Variants in EPHA3 observed in about 807,000 individuals in gnomAD.
The protein encoded by EPHA3 is ephrin type-A receptor 3.
In EPHA3, 42 loss-of-function variants were observed where a neutral mutation model predicts 107.1. The ratio of observed to expected loss-of-function variants is 0.39; its 90% confidence interval spans 0.31 to 0.51. The LOEUF is 0.51. EPHA3 is among the 20% of genes least tolerant of loss of function. The pLI, the probability that EPHA3 is intolerant of heterozygous loss-of-function variation, is 0.78. For synonymous variants in EPHA3, 461 were observed against 424.8 expected, an observed-to-expected ratio of 1.09 and a Z score of -1.05; for missense variants, 1,183 against 1,211.2, an observed-to-expected ratio of 0.98 and a Z score of 0.35.
intron 3 of EPHA3, among the ~76,000 whole-genome samples, chr3:89,318,584 C>G (rs529029169): frequency 6.6e-6 from 1 of 151,848 alleles, no homozygotes; most frequent in Admixed American, 6.6e-5. Flanking sequence ...AATGGTCAGA[C>G]GGCCGGCCAG....
At chr3:89,471,531 A>G (rs1710402036) in intron 15 of EPHA3, among the ~76,000 whole-genome samples, 2 of 151,866 alleles carry the variant, frequency 1.3e-5, no homozygotes, top group Non-Finnish European at 2.9e-5. Context: ...ACCATGGCTA[A>G]TTTGGTATTT....
chr3:89,141,219 A>G (rs1446778896), intron 2 of EPHA3, among the ~76,000 whole-genome samples: 2 of 151,580 alleles, frequency 1.3e-5, no homozygotes, highest in African/African-American at 4.8e-5. Context: ...ACATTATGCC[A>G]AGGGTTTGGC....
intron 3 of EPHA3, among the ~76,000 whole-genome samples, chr3:89,306,489 T>C (rs1483693039): frequency 6.6e-6 from 1 of 152,212 alleles, no homozygotes; most frequent in Non-Finnish European, 1.5e-5. Context: ...TTTAATTTTC[T>C]ATTTTAACCA....
intron 3 of EPHA3, among the ~76,000 whole-genome samples, chr3:89,290,021 C>T (rs763321386): frequency 4.6e-5 from 7 of 152,032 alleles, no homozygotes; most frequent in Non-Finnish European, 8.8e-5. Context: ...AGGATTTATC[C>T]TCTGAATACT....
rs1478612510 is a variant in EPHA3 at position 89,122,130 on chromosome 3, C to T, written c.89-5079C>T. 7.2e-5 allele frequency among the ~76,000 whole-genome samples: 11 copies of T among 152,034 alleles called. No homozygotes were observed. The East Asian group carries it at 1.7e-3, about 24-fold the overall frequency. On this transcript the variant is annotated intron_variant, in intron 1 of 16. Transcript: ENST00000336596. ...AGCAGATTGAAGAGCTCTGTGTAGT[C>T]CTGTAACCTAGAGCAAAGTTATTCT...
chr3:89,259,654 G>A lies in EPHA3; in HGVS notation c.814+49134G>A, dbSNP rs1576271758. 2.6e-5 allele frequency among the ~76,000 whole-genome samples: 4 copies of A among 152,272 alleles called. No individual in the cohort carries two copies. The South Asian group carries it at 8.3e-4, about 32-fold the overall frequency. ...TCTACTGAAGCAGATTAACATATCT[G>A]TCATCTCACTTAGTTACATTTTTTA... is the stretch of plus-strand genomic sequence containing the variant. On this transcript the variant is annotated intron_variant, in intron 3 of 16. Transcript: ENST00000336596.
chr3:89,229,429 T>A (rs1446923598), intron 3 of EPHA3, among the ~76,000 whole-genome samples: 1 of 151,760 alleles, frequency 6.6e-6, no homozygotes, highest in East Asian at 1.9e-4. Flanking sequence ...TGAATTGATT[T>A]TCAGTGCATA....
At chr3:89,357,771 C>A (rs541199171) in intron 5 of EPHA3, among the ~76,000 whole-genome samples, 1 of 151,242 alleles carries the variant, frequency 6.6e-6, no homozygotes, top group South Asian at 2.1e-4. Context: ...AACAACTAGG[C>A]TAAGAACATA....
At chr3:89,345,661 A>T in intron 5 of EPHA3, among the ~76,000 whole-genome samples, 1 of 137,548 alleles carries the variant, frequency 7.3e-6, no homozygotes, top group African/African-American at 2.7e-5. Context: ...ACATGTGCAC[A>T]TTGTGCAGGT....
intron 5 of EPHA3, among the ~76,000 whole-genome samples, chr3:89,371,636 G>A (rs1190364394): frequency 6.6e-6 from 1 of 151,514 alleles, no homozygotes; most frequent in Non-Finnish European, 1.5e-5. Context: ...CATTTAGATT[G>A]TTTAAGGGAA....
intron 2 of EPHA3, among the ~76,000 whole-genome samples, chr3:89,179,631 G>GTTATGTTCAAATGTTGCCAATATTTT (rs1233194751): frequency 2.0e-5 from 3 of 146,428 alleles, no homozygotes; most frequent in Non-Finnish European, 3.0e-5. Context: ...AATGCTAAGT[G>GTTATGTTCAAATGTTGCCAATATTTT]TTATGTTCAA....
intron 2 of EPHA3, among the ~76,000 whole-genome samples, chr3:89,153,889 G>T (rs1293962009): frequency 1.3e-5 from 2 of 151,954 alleles, no homozygotes; most frequent in Non-Finnish European, 2.9e-5. Flanking sequence ...TGACATCTGT[G>T]ACCTGCTCCT....
intron 5 of EPHA3, among the ~76,000 whole-genome samples, chr3:89,384,513 T>C (rs1436084538): frequency 6.6e-6 from 1 of 152,194 alleles, no homozygotes; most frequent in Non-Finnish European, 1.5e-5. Flanking sequence ...TGAAATGTAT[T>C]TTTCTAAAAC....
intron 9 of EPHA3, among the ~76,000 whole-genome samples, chr3:89,409,014 T>C (rs1179553394): frequency 6.6e-6 from 1 of 152,104 alleles, no homozygotes; most frequent in Non-Finnish European, 1.5e-5. Flanking sequence ...GCTTTAGTTG[T>C]AACTCAAGTA....
chr3:89,131,016 C>A (rs1400451914), intron 2 of EPHA3, among the ~76,000 whole-genome samples: 1 of 152,072 alleles, frequency 6.6e-6, no homozygotes, highest in East Asian at 1.9e-4. Context: ...ATTATTAGGC[C>A]TTGGACTAAT....
intron 2 of EPHA3, among the ~76,000 whole-genome samples, chr3:89,142,121 A>T (rs941437528): frequency 9.2e-5 from 14 of 151,442 alleles, no homozygotes; most frequent in Admixed American, 3.3e-4. Flanking sequence ...ATTATAAAAT[A>T]TACTCATGAC....
intron 3 of EPHA3, among the ~76,000 whole-genome samples, chr3:89,321,709 A>G (rs1388674350): frequency 6.6e-6 from 1 of 152,176 alleles, no homozygotes; most frequent in Non-Finnish European, 1.5e-5. Flanking sequence ...GGTACTGTAT[A>G]TAAAATTGAA....
chr3:89,220,271 GT>G (rs1559606748), intron 3 of EPHA3, among the ~76,000 whole-genome samples: 1 of 152,138 alleles, frequency 6.6e-6, no homozygotes, highest in African/African-American at 2.4e-5. Flanking sequence ...TTGACATCTT[GT>G]GATTGTGCTT....
At chr3:89,408,301 A>G (rs1352560547) in intron 9 of EPHA3, among the ~76,000 whole-genome samples, 170 bp downstream of exon 9, 1 of 152,174 alleles carries the variant, frequency 6.6e-6, no homozygotes, top group Non-Finnish European at 1.5e-5. Context: ...ATGGTTCTGC[A>G]TTAAATAATT....
Sources: gnomAD v4.1 joint callset for allele counts (sites outside exome capture counted in the v4.1 genomes callset) on GRCh38, gnomAD v4.1.1 for gene constraint, MANE v1.5 for transcripts, NCBI Gene and HGNC (gene_info 2026-07-23, HGNC 2026-07-21) for gene names.